SORCS3: variants seen among roughly 807,000 people sequenced by gnomAD.
SORCS3 encodes sortilin related VPS10 domain containing receptor 3.
SORCS3 carries 57 observed loss-of-function variants against 146.3 expected under a neutral mutation model. The observed-to-expected ratio is 0.39, with a 90% CI of 0.31 to 0.49. SORCS3 has a LOEUF of 0.49. Among genes scored for constraint, SORCS3 ranks in the 20% least tolerant of loss-of-function variants. SORCS3 has a pLI of 0.92. For synonymous variants in SORCS3, 653 were observed against 618.5 expected, an observed-to-expected ratio of 1.06 and a Z score of -0.83; for missense variants, 1,341 against 1,575.5, an observed-to-expected ratio of 0.85 and a Z score of 2.52.
rs2018533434 is a variant in SORCS3, at chr10:104,872,909, A to C, written c.695+30050A>C. ...TGTGCTGAAAGCATCATCATTTGCC[A>C]TGCGTGAAAGCTTATGGCTGGAAGG... On this transcript the variant is annotated intron_variant, in intron 2 of 26. Coordinates refer to ENST00000369701, the MANE Select transcript of SORCS3 (RefSeq NM_014978.3). Among the ~76,000 whole-genome samples, 5 of 152,256 alleles carry C rather than the reference A, an allele frequency of 3.3e-5. No homozygotes were observed. In the South Asian group the frequency reaches 1.0e-3, roughly 31 times the overall value.
At chr10:104,798,635 G>C (rs1049902070) in intron 1 of SORCS3, among the ~76,000 whole-genome samples, 1 of 152,180 alleles carries the variant, frequency 6.6e-6, no homozygotes, top group Non-Finnish European at 1.5e-5. Flanking sequence ...ACAAAACTAA[G>C]TATCCACTCA....
intron 1 of SORCS3, among the ~76,000 whole-genome samples, chr10:104,773,304 C>G (rs1382337057): frequency 6.6e-6 from 1 of 152,142 alleles, no homozygotes; most frequent in African/African-American, 2.4e-5. Flanking sequence ...TCCTTGTAGG[C>G]AAGGGCTGCA....
intron 1 of SORCS3, among the ~76,000 whole-genome samples, chr10:104,739,930 T>C (rs2016821092): frequency 6.6e-6 from 1 of 152,216 alleles, no homozygotes; most frequent in South Asian, 2.1e-4. Flanking sequence ...AACAGAATTG[T>C]ACTTGGTACC....
intron 3 of SORCS3, among the ~76,000 whole-genome samples, chr10:104,921,538 A>T (rs2019087713): frequency 6.9e-6 from 1 of 144,262 alleles, no homozygotes; most frequent in South Asian, 2.2e-4. Context: ...TGTGTGTGTG[A>T]TGAAAACTAT....
At chr10:105,008,878 C>T (rs751387714) in intron 4 of SORCS3, among the ~76,000 whole-genome samples, 9 of 152,168 alleles carry the variant, frequency 5.9e-5, no homozygotes, top group South Asian at 2.1e-4. Flanking sequence ...AACTCATGAG[C>T]TCAAGCCATC....
intron 7 of SORCS3, among the ~76,000 whole-genome samples, chr10:105,114,653 C>G (rs2055881499): frequency 6.6e-6 from 1 of 152,098 alleles, no homozygotes; most frequent in African/African-American, 2.4e-5. Flanking sequence ...CTGTGGCACC[C>G]ACAACCACTC....
At chr10:104,689,982 G>A (rs753023606) in intron 1 of SORCS3, among the ~76,000 whole-genome samples, 2 of 152,140 alleles carry the variant, frequency 1.3e-5, no homozygotes, top group African/African-American at 4.8e-5. Flanking sequence ...TAATCTTAAT[G>A]TATGTTTATA....
intron 18 of SORCS3, 29 bp downstream of exon 18, chr10:105,214,642 A>G: frequency 1.3e-6 from 2 of 1,531,706 alleles, no homozygotes; most frequent in Non-Finnish European, 1.8e-6. Flanking sequence ...CTCTGAGGTC[A>G]GAACTCCCAA....
intron 3 of SORCS3, among the ~76,000 whole-genome samples, chr10:104,924,513 C>A (rs944416261): frequency 6.6e-6 from 1 of 152,220 alleles, no homozygotes; most frequent in East Asian, 1.9e-4. Flanking sequence ...CAGCTGGAAT[C>A]TCATTTCAAA....
chr10:105,263,244 A>T, intron 26 of SORCS3, 66 bp from the exon 27 acceptor site: 1 of 1,529,860 alleles, frequency 6.5e-7, no homozygotes, highest in Non-Finnish European at 9.0e-7. Context: ...AGCAGTGAAT[A>T]AAACTAAGAT....
chr10:104,811,350 G>A (rs1018118304), intron 1 of SORCS3, among the ~76,000 whole-genome samples: 12 of 152,324 alleles, frequency 7.9e-5, no homozygotes, highest in Middle Eastern at 3.4e-3. Context: ...CTTGCCTGAG[G>A]GAGTTGAGGC....
intron 1 of SORCS3, among the ~76,000 whole-genome samples, chr10:104,825,165 C>T (rs947125677): frequency 6.6e-6 from 1 of 152,144 alleles, no homozygotes; most frequent in Non-Finnish European, 1.5e-5. Flanking sequence ...CATTTCCTCA[C>T]TCAAATGGCA....
At chr10:104,969,778 TGTATGTGTGCTCACAC>T (rs2054848580) in intron 3 of SORCS3, among the ~76,000 whole-genome samples, 1 of 152,180 alleles carries the variant, frequency 6.6e-6, no homozygotes, top group Admixed American at 6.5e-5. Context: ...TATATGTTAG[TGTATGTGTGCTCACAC>T]GTATGTGTTG....
chr10:104,684,482 G>A (rs1056494237), intron 1 of SORCS3, among the ~76,000 whole-genome samples: 4 of 152,098 alleles, frequency 2.6e-5, no homozygotes, highest in African/African-American at 4.8e-5. Context: ...TGCCCGGCAC[G>A]GGAGCCACCC....
chr10:105,197,003 G>T (rs1480789583), intron 14 of SORCS3, among the ~76,000 whole-genome samples: 1 of 152,060 alleles, frequency 6.6e-6, no homozygotes, highest in Non-Finnish European at 1.5e-5. Flanking sequence ...GGCTTGGGCT[G>T]CATAACTCCA....
chr10:104,762,038 T>C (rs1025227713), intron 1 of SORCS3, among the ~76,000 whole-genome samples: 1 of 152,212 alleles, frequency 6.6e-6, no homozygotes, highest in Non-Finnish European at 1.5e-5. Context: ...ACAAGAATCC[T>C]TCTCTTAAGC....
chr10:105,020,864 A>T (rs145342755), intron 4 of SORCS3, among the ~76,000 whole-genome samples: 1 of 152,150 alleles, frequency 6.6e-6, no homozygotes, highest in Non-Finnish European at 1.5e-5. Context: ...AGCCAGAAAG[A>T]TTTCCCTTCC....
In SORCS3 at chr10:104,641,852, G is replaced by A. The variant is rs776138077; in HGVS notation, c.525G>A (p.Gly175=). 14 of 1,571,896 alleles carry A rather than the reference G, an allele frequency of 8.9e-6. No homozygotes were observed. The highest frequency in any genetic ancestry group is 2.4e-5 in the East Asian group (1 of 42,458). Residue 175 remains glycine, a synonymous_variant, in exon 1 of 27, where the codon GGG becomes GGA. Coordinates refer to ENST00000369701, the MANE Select transcript of SORCS3 (RefSeq NM_014978.3). This position sits in a 1 kb window ranked among gnomAD's most constrained non-coding sequence, Gnocchi z 6.4. ...AGGTGAAGGCGCCGCGGGCTGGGGG[G>A]TCGGCGGCTGAAGACCTCCGGCTGC... is the stretch of plus-strand genomic sequence containing the variant. ...REEVKAPRAG[G]SAAEDLRLPS...
intron 20 of SORCS3, among the ~76,000 whole-genome samples, chr10:105,242,736 T>TTATATATTTA (rs1453673455): frequency 1.9e-5 from 2 of 104,554 alleles, no homozygotes; most frequent in East Asian, 6.3e-4. Context: ...TTATATATAT[T>TTATATATTTA]TATATATTTA....
Sources: allele counts gnomAD v4.1 joint callset (sites outside exome capture counted in the v4.1 genomes callset), GRCh38; gene constraint gnomAD v4.1.1; non-coding constraint Gnocchi (gnomAD v3.1); transcripts MANE v1.5; gene names NCBI Gene and HGNC (gene_info 2026-07-23, HGNC 2026-07-21).